The following DICER1 variants were observed in gnomAD, a reference collection of about 807,000 sequenced individuals.
The protein encoded by DICER1 is dicer 1, ribonuclease III.
A neutral mutation model predicts 194.1 loss-of-function variants in DICER1; 43 were observed. The observed-to-expected ratio is 0.22, with a 90% CI of 0.17 to 0.29. DICER1 has a LOEUF of 0.29. Ranked by LOEUF, DICER1 falls within the 10% of genes least tolerant of loss-of-function variation. The probability of loss-of-function intolerance (pLI) is 1.00; values close to 1 mark genes in which losing one functional copy is unlikely to be tolerated. For missense variants in DICER1, 1,608 were observed against 2,317.0 expected (o/e 0.69, Z 6.28); for synonymous variants, 832 against 820.5 (o/e 1.01, Z -0.24).
intron 24 of DICER1, among the ~76,000 whole-genome samples, chr14:95,092,528 A>C (rs1419284614): frequency 1.3e-5 from 2 of 152,212 alleles, no homozygotes; most frequent in African/African-American, 4.8e-5. Flanking sequence ...CTTATTGTTC[A>C]TATTTATGGT....
chr14:95,106,318 A>C, intron 17 of DICER1, 95 bp from the exon 18 acceptor site: 1 of 908,960 alleles, frequency 1.1e-6, no homozygotes, highest in South Asian at 1.4e-5. Context: ...ATGATGATTA[A>C]GAATTCAAAA....
chr14:95,133,620 T>C (rs1406326860), intron 1 of DICER1, 117 bp from the exon 2 acceptor site: 2 of 791,762 alleles, frequency 2.5e-6, no homozygotes, highest in Non-Finnish European at 4.0e-6. Context: ...ACTCTTCCTA[T>C]AATTGTTTTA....
chr14:95,131,772 C>T (rs1332342081), intron 3 of DICER1, 133 bp from the exon 4 acceptor site: 1 of 875,060 alleles, frequency 1.1e-6, no homozygotes, highest in Non-Finnish European at 1.9e-6. Flanking sequence ...TTTTGATAGC[C>T]TCTTTAAAAC....
intron 1 of DICER1, among the ~76,000 whole-genome samples, chr14:95,138,381 T>C (rs1894574753): frequency 6.7e-6 from 1 of 149,248 alleles, no homozygotes; most frequent in Non-Finnish European, 1.5e-5. Context: ...AGGCTCTAAA[T>C]AAAGAGAAAA....
Position 95,115,741 on chromosome 14 carries a change from G to A in DICER1, c.1833C>T (p.Phe611=), listed in dbSNP as rs2140113596. Residue 611 remains phenylalanine, a synonymous_variant, in exon 11 of 27, where the codon TTC becomes TTT. Coordinates refer to ENST00000343455, the MANE Select transcript of DICER1 (RefSeq NM_177438.3). Reference sequence around the variant, plus strand: ...CGTCAGGCCTCAACACATATGGTGGGAAAACGTCATCATCATCCATGACAG... The same window carrying A: ...CGTCAGGCCTCAACACATATGGTGGAAAAACGTCATCATCATCCATGACAG... ...IDPVMDDDDV[F]PPYVLRPDDG... 1 of 1,614,134 alleles carries A rather than the reference G, an allele frequency of 6.2e-7. No homozygotes were observed. The highest frequency in any genetic ancestry group is 8.5e-7 in the Non-Finnish European group (1 of 1,180,002).
intron 8 of DICER1, among the ~76,000 whole-genome samples, chr14:95,122,946 G>GCA (rs200500514): frequency 1.0e-5 from 1 of 97,546 alleles, no homozygotes; most frequent in Admixed American, 9.4e-5. Flanking sequence ...GCGCGCGCGC[G>GCA]CGCACACACA....
chr14:95,157,066 C>A (rs1009286514), intron 1 of DICER1, among the ~76,000 whole-genome samples, 164 bp downstream of exon 1: 12 of 151,576 alleles, frequency 7.9e-5, no homozygotes, highest in African/African-American at 1.5e-4. Context: ...CTGTGCGGGA[C>A]GACGAGGCAG....
rs1595309265 is a variant in DICER1 at position 95,090,279 on chromosome 14, TTG to T, written c.*217_*218del. ...GCAGAAGTGAGGAAAGAAGATAAGA[TTG>T]TGTTTGCGCAAAAAACTAAAACTAC... On this transcript the variant is annotated 3_prime_UTR_variant, in exon 27 of 27. Coordinates refer to ENST00000343455, the MANE Select transcript of DICER1 (RefSeq NM_177438.3). 1.7e-6 allele frequency: 1 copy of T among 584,170 alleles called. No individual in the cohort carries two copies. The highest frequency in any genetic ancestry group is 3.0e-6 in the Non-Finnish European group (1 of 331,048). The allele number at this position is 584,170 out of a possible 1,614,324, so 36.2% of individuals were successfully genotyped here. A position where few individuals can be genotyped will look rare whatever the true frequency, so the allele number is the denominator to read the frequency against.
intron 11 of DICER1, among the ~76,000 whole-genome samples, chr14:95,115,061 C>T (rs1595403570): frequency 1.3e-5 from 2 of 152,236 alleles, no homozygotes; most frequent in East Asian, 3.9e-4. Context: ...GAATGAGTCT[C>T]TCTTGGTGTC....
At chr14:95,113,877 C>T (rs1422416155) in intron 11 of DICER1, among the ~76,000 whole-genome samples, 1 of 152,212 alleles carries the variant, frequency 6.6e-6, no homozygotes, top group African/African-American at 2.4e-5. Context: ...ACCACAGTTG[C>T]AGCCCTACAG....
At chr14:95,134,958 C>G (rs1156444385) in intron 1 of DICER1, among the ~76,000 whole-genome samples, 2 of 152,180 alleles carry the variant, frequency 1.3e-5, no homozygotes, top group Non-Finnish European at 2.9e-5. Flanking sequence ...ATTCCTTTTA[C>G]CCTAGTACCC....
chr14:95,133,290 C>T (rs1894110621), intron 2 of DICER1, 25 bp downstream of exon 2: 1 of 1,612,128 alleles, frequency 6.2e-7, no homozygotes, highest in African/African-American at 1.3e-5. Flanking sequence ...GTAGAATGCT[C>T]CAGTATTAGT....
At chr14:95,092,327 C>T (rs1285420249) in intron 24 of DICER1, among the ~76,000 whole-genome samples, 2 of 152,092 alleles carry the variant, frequency 1.3e-5, no homozygotes, top group South Asian at 2.1e-4. Flanking sequence ...TGGTTATTTC[C>T]GAGGTAGCAT....
Position 95,124,701 on chromosome 14 carries a change from C to T in DICER1, c.904-33G>A. ...AAAAAGAAAAGAAAAAACCTAATGC[C>T]AAATAATAATAATGTAGCATTTTCA... On this transcript the variant is annotated intron_variant, in intron 7 of 26. Transcript: ENST00000343455. This position sits in a 1 kb window ranked among gnomAD's most constrained non-coding sequence, Gnocchi z 4.5. The T allele has an allele frequency of 1.3e-6, 2 of 1,499,194 alleles. No individual in the cohort carries two copies. Among genetic ancestry groups the T allele is most frequent in the Middle Eastern group, 1.7e-4 (1 of 5,796 alleles). 92.9% of individuals were successfully genotyped at this position (1,499,194 alleles called of 1,614,324 possible).
chr14:95,135,347 A>C (rs1374213471), intron 1 of DICER1, among the ~76,000 whole-genome samples: 1 of 152,204 alleles, frequency 6.6e-6, no homozygotes, highest in East Asian at 1.9e-4. Context: ...ATGAAAATAT[A>C]AAACAAAGGA....
chr14:95,116,091 G>A (rs1024419057), intron 10 of DICER1, among the ~76,000 whole-genome samples: 122 of 140,380 alleles, frequency 8.7e-4, no homozygotes, highest in African/African-American at 3.2e-3. Context: ...ACACACACAC[G>A]ACTGTTAGTC....
In DICER1 at chr14:95,090,750, G is replaced by T. The variant is rs555344323; in HGVS notation, c.5604-87C>A. ...GCATTTAGTGTGCACTCTCAGGCCA[G>T]GAGTCCCATGTATAAGCTGACACCA... On this transcript the variant is annotated intron_variant, in intron 26 of 26. Transcript: ENST00000343455. The T allele has an allele frequency of 1.5e-5, 22 of 1,472,970 alleles. No homozygotes were observed. In the African/African-American group the frequency reaches 2.6e-4, roughly 18 times the overall value. 91.2% of individuals were successfully genotyped at this position (1,472,970 alleles called of 1,614,324 possible).
chr14:95,091,127 G>C lies in DICER1; in HGVS notation c.5528-18C>G. On this transcript the variant is annotated intron_variant, in intron 25 of 26. Coordinates refer to ENST00000343455, the MANE Select transcript of DICER1 (RefSeq NM_177438.3). ...AAACTTTTCTGCAATCAAAATGAAA[G>C]AATAATATGAATAATATCTCTGAAG... The C allele has an allele frequency of 6.2e-7, 1 of 1,613,802 alleles. No homozygotes were observed. The highest frequency in any genetic ancestry group is 8.5e-7 in the Non-Finnish European group (1 of 1,179,722).
intron 24 of DICER1, among the ~76,000 whole-genome samples, chr14:95,093,324 C>T (rs1890012632): frequency 2.0e-5 from 3 of 152,186 alleles, no homozygotes; most frequent in Admixed American, 1.3e-4. Context: ...TTCGAAATAG[C>T]TCACAAACAC....
Sources: allele counts gnomAD v4.1 joint callset (sites outside exome capture counted in the v4.1 genomes callset), GRCh38; gene constraint gnomAD v4.1.1; non-coding constraint Gnocchi (gnomAD v3.1); transcripts MANE v1.5; gene names NCBI Gene and HGNC (gene_info 2026-07-23, HGNC 2026-07-21).